Variants in PACSIN2 observed in about 807,000 individuals in gnomAD.
PACSIN2 encodes the protein protein kinase C and casein kinase substrate in neurons protein 2.
PACSIN2 carries 25 observed loss-of-function variants against 63.8 expected under a neutral mutation model. The observed-to-expected ratio is 0.39, with a 90% CI of 0.29 to 0.55. The LOEUF (loss-of-function observed/expected upper bound fraction) is 0.55. PACSIN2 is among the 20% of genes least tolerant of loss of function. The pLI, the probability that PACSIN2 is intolerant of heterozygous loss-of-function variation, is 0.62. For missense variants in PACSIN2, 518 were observed against 646.9 expected (o/e 0.80, Z 2.16); for synonymous variants, 255 against 256.2 (o/e 1.00, Z 0.05).
intron 1 of PACSIN2, among the ~76,000 whole-genome samples, chr22:42,957,874 C>T (rs921344411): frequency 7.2e-5 from 11 of 152,040 alleles, no homozygotes; most frequent in Non-Finnish European, 1.6e-4. Flanking sequence ...TCGTGAGGCC[C>T]GCTTCTATCA....
At chr22:43,002,950 A>C (rs1206387113) in intron 1 of PACSIN2, among the ~76,000 whole-genome samples, 1 of 152,244 alleles carries the variant, frequency 6.6e-6, no homozygotes, top group Admixed American at 6.5e-5. Context: ...ATTGAAAAGG[A>C]AACAGCGAGG....
intron 1 of PACSIN2, among the ~76,000 whole-genome samples, chr22:42,954,148 A>G (rs1261228556): frequency 6.6e-6 from 1 of 152,214 alleles, no homozygotes; most frequent in African/African-American, 2.4e-5. Flanking sequence ...CTATAGTCCC[A>G]GCTACTTGGG....
intron 1 of PACSIN2, among the ~76,000 whole-genome samples, chr22:42,968,560 C>T (rs1280050893): frequency 6.6e-6 from 1 of 152,154 alleles, no homozygotes; most frequent in Admixed American, 6.6e-5. Context: ...TTGACTGGAA[C>T]ACCTAGGAAA....
intron 1 of PACSIN2, among the ~76,000 whole-genome samples, chr22:42,938,626 G>GA (rs1933012008): frequency 1.3e-5 from 2 of 152,198 alleles, no homozygotes; most frequent in African/African-American, 4.8e-5. Context: ...TGTTCCGCAG[G>GA]ACCATTTAGG....
chr22:42,893,796 T>C (rs1246148682), intron 2 of PACSIN2, among the ~76,000 whole-genome samples, 183 bp from the exon 3 acceptor site: 3 of 152,184 alleles, frequency 2.0e-5, no homozygotes, highest in African/African-American at 7.2e-5. Flanking sequence ...ATTTTTATTA[T>C]TAATAAGATC....
intron 1 of PACSIN2, among the ~76,000 whole-genome samples, chr22:42,981,551 G>A (rs1396501719): frequency 2.6e-5 from 3 of 114,294 alleles, no homozygotes; most frequent in Middle Eastern, 5.0e-3. Flanking sequence ...CCGGCCGGCC[G>A]CCCCGTCCGG....
chr22:42,999,691 G>C lies in PACSIN2; in HGVS notation c.-78+15330C>G, dbSNP rs564750530. ...CTCAAAAAAAAAAATGCTGTCTACA[G>C]ACTATGCCTGGTGGGCACAGGACTG... is the stretch of plus-strand genomic sequence containing the variant. On this transcript the variant is annotated intron_variant, in intron 1 of 10. Transcript: ENST00000263246. Among the ~76,000 whole-genome samples, 8 of 152,302 alleles carry C rather than the reference G, an allele frequency of 5.3e-5. No homozygotes were observed. In the East Asian group the frequency reaches 1.5e-3, roughly 29 times the overall value.
At chr22:42,986,530 T>C (rs894044199) in intron 1 of PACSIN2, among the ~76,000 whole-genome samples, 1 of 152,106 alleles carries the variant, frequency 6.6e-6, no homozygotes, top group Non-Finnish European at 1.5e-5. Flanking sequence ...CCTCCACAGT[T>C]CACGGAGGCC....
chr22:42,914,852 T>C (rs1022410825), intron 1 of PACSIN2, among the ~76,000 whole-genome samples: 21 of 152,302 alleles, frequency 1.4e-4, no homozygotes, highest in African/African-American at 3.4e-4. Flanking sequence ...ACAAGACTGA[T>C]TGATTGACTG....
chr22:42,886,413 T>C (rs1467867015), intron 5 of PACSIN2, among the ~76,000 whole-genome samples: 1 of 134,518 alleles, frequency 7.4e-6, no homozygotes, highest in Non-Finnish European at 1.6e-5. Context: ...CAATGGTATG[T>C]ATGTAGGTAG....
At position 42,964,280 on chromosome 22, in the gene PACSIN2, T is replaced by A. The variant is rs146908025; in HGVS notation, c.-78+50741A>T. Reference sequence around the variant, plus strand: ...TAAAAGTACAAAAATTAGCTGGGCATGGTGGCACATGCCTGTAATCTCAGC... The same window carrying A: ...TAAAAGTACAAAAATTAGCTGGGCAAGGTGGCACATGCCTGTAATCTCAGC... On this transcript the variant is annotated intron_variant, in intron 1 of 10. Coordinates refer to ENST00000263246, the MANE Select transcript of PACSIN2 (RefSeq NM_001184970.3). Among the ~76,000 whole-genome samples the A allele has an allele frequency of 6.9e-3, 1,055 of 152,172 alleles. 8 individuals carry two copies. Among genetic ancestry groups the A allele is most frequent in the Middle Eastern group, 0.061 (18 of 294 alleles).
Position 42,901,273 on chromosome 22 carries a change from T to G in PACSIN2, c.61-7660A>C, listed in dbSNP as rs560887156. On this transcript the variant is annotated intron_variant, in intron 2 of 10. Coordinates refer to ENST00000263246, the MANE Select transcript of PACSIN2 (RefSeq NM_001184970.3). ...AAGCCCATGGAACCAGAGTCAAATG[T>G]TTTATCCAAAGCTGACCAAATATGC... 1.7e-3 allele frequency among the ~76,000 whole-genome samples: 260 copies of G among 152,260 alleles called. 2 individuals are homozygous for G. The highest frequency in any genetic ancestry group is 6.0e-3 in the African/African-American group (249 of 41,554).
chr22:43,014,886 C>T (rs1444522748), intron 1 of PACSIN2, 135 bp downstream of exon 1: 7 of 150,794 alleles, frequency 4.6e-5, no homozygotes, highest in Admixed American at 4.6e-4. Flanking sequence ...CGCGGCCCGA[C>T]CCGCTTCCCT....
At chr22:42,923,489 G>A (rs988686591) in intron 1 of PACSIN2, among the ~76,000 whole-genome samples, 5 of 152,196 alleles carry the variant, frequency 3.3e-5, no homozygotes, top group East Asian at 1.9e-4. Flanking sequence ...GTGCAGTGGC[G>A]TGATCTCGGC....
intron 2 of PACSIN2, among the ~76,000 whole-genome samples, chr22:42,907,887 T>C (rs1411625024): frequency 6.6e-6 from 1 of 152,216 alleles, no homozygotes; most frequent in South Asian, 2.1e-4. Context: ...ATGATGAATA[T>C]GAAGGTGTTC....
intron 10 of PACSIN2, among the ~76,000 whole-genome samples, chr22:42,875,317 C>G (rs1467890944): frequency 6.6e-6 from 1 of 152,050 alleles, no homozygotes; most frequent in Non-Finnish European, 1.5e-5. Flanking sequence ...TAATCTGCTA[C>G]TTTTGTTTGT....
chr22:42,980,540 AAAGCTGGAC>A lies in PACSIN2; in HGVS notation c.-78+34472_-78+34480del, dbSNP rs1569347189. ...CACGGTCTCCCTCTGATGCCGAGCC[AAAGCTGGAC>A]GGTACTGCTGCCATCTCGGCTCACT... On this transcript the variant is annotated intron_variant, in intron 1 of 10. Transcript: ENST00000263246. Among the ~76,000 whole-genome samples the A allele has an allele frequency of 7.5e-3, 898 of 119,142 alleles. 8 individuals are homozygous for A. Among genetic ancestry groups the A allele is most frequent in the African/African-American group, 0.025 (794 of 31,658 alleles). 78.2% of individuals were successfully genotyped at this position (119,142 alleles called of 152,430 possible).
At chr22:42,884,085 C>T (rs1929286591) in intron 6 of PACSIN2, among the ~76,000 whole-genome samples, 1 of 152,236 alleles carries the variant, frequency 6.6e-6, no homozygotes. Flanking sequence ...TCTCCATTCC[C>T]ACCCAGACCT....
intron 1 of PACSIN2, among the ~76,000 whole-genome samples, chr22:42,960,906 G>C (rs1436828454): frequency 6.6e-6 from 1 of 152,200 alleles, no homozygotes; most frequent in Non-Finnish European, 1.5e-5. Context: ...CTACAGGAAA[G>C]AGTAGATATG....
Sources: gnomAD v4.1 joint callset for allele counts (sites outside exome capture counted in the v4.1 genomes callset) on GRCh38, gnomAD v4.1.1 for gene constraint, MANE v1.5 for transcripts, NCBI Gene and HGNC (gene_info 2026-07-23, HGNC 2026-07-21) for gene names.